Variants in CDH2 observed in about 807,000 individuals in gnomAD.
CDH2 encodes cadherin-2.
Under a neutral mutation model 92.0 loss-of-function variants are expected in CDH2, and 17 were observed. The ratio of observed to expected loss-of-function variants is 0.18; its 90% CI spans 0.13 to 0.28. CDH2 has a LOEUF of 0.28. CDH2 is among the 10% of genes least tolerant of loss of function. CDH2 has a pLI of 1.00. For synonymous variants in CDH2, 419 were observed against 415.9 expected, an observed-to-expected ratio of 1.01 and a Z score of -0.09; for missense variants, 862 against 1,133.1, an observed-to-expected ratio of 0.76 and a Z score of 3.44.
intron 2 of CDH2, among the ~76,000 whole-genome samples, chr18:28,114,236 G>A (rs746063877): frequency 2.6e-5 from 4 of 152,104 alleles, no homozygotes; most frequent in Admixed American, 1.3e-4. Flanking sequence ...ATGTTTGTGC[G>A]TGCTAATGAA....
At chr18:27,956,636 T>C (rs2011252167) in intron 15 of CDH2, among the ~76,000 whole-genome samples, 1 of 152,040 alleles carries the variant, frequency 6.6e-6, no homozygotes, top group Non-Finnish European at 1.5e-5. Context: ...CCAGCTTCTT[T>C]CCTACAAACT....
intron 14 of CDH2, among the ~76,000 whole-genome samples, chr18:27,965,180 T>C (rs1045977083): frequency 6.6e-6 from 1 of 152,232 alleles, no homozygotes; most frequent in Admixed American, 6.5e-5. Context: ...CATGAGTGTC[T>C]GACTTCATAG....
At chr18:28,175,125 G>A (rs1381179145) in intron 1 of CDH2, among the ~76,000 whole-genome samples, 1 of 152,116 alleles carries the variant, frequency 6.6e-6, no homozygotes, top group Non-Finnish European at 1.5e-5. Context: ...GTGACAGGAG[G>A]TCAAAGAATG....
At chr18:28,103,357 T>G (rs2015263642) in intron 2 of CDH2, among the ~76,000 whole-genome samples, 1 of 145,690 alleles carries the variant, frequency 6.9e-6, no homozygotes, top group Non-Finnish European at 1.5e-5. Flanking sequence ...AGTATATATA[T>G]AAAATACATA....
chr18:28,063,594 G>A (rs2014446956), intron 2 of CDH2, among the ~76,000 whole-genome samples: 2 of 152,098 alleles, frequency 1.3e-5, no homozygotes, highest in African/African-American at 4.8e-5. Context: ...TTTTCACAGG[G>A]GCTCCCTTTC....
chr18:28,149,025 C>A (rs2016080960), intron 1 of CDH2, among the ~76,000 whole-genome samples: 1 of 152,070 alleles, frequency 6.6e-6, no homozygotes, highest in Non-Finnish European at 1.5e-5. Context: ...AATGAGTAAG[C>A]AGTTTTAAGT....
rs1451234106 is a variant in CDH2 at position 27,951,012 on chromosome 18, GT to G, written c.*1140del. On this transcript the variant is annotated 3_prime_UTR_variant, in exon 16 of 16. Transcript: ENST00000269141. ...TATTCAGAACGCTGGGGTCAGAGGT[GT>G]ATCATTTATATTCTGGTACACAATA... 1 of 152,138 alleles carries G rather than the reference GT, an allele frequency of 6.6e-6. No individual in the cohort carries two copies. The highest frequency in any genetic ancestry group is 1.5e-5 in the Non-Finnish European group (1 of 67,948). 9.4% of individuals were successfully genotyped at this position (152,138 alleles called of 1,614,324 possible). A position where few individuals can be genotyped will look rare whatever the true frequency, so the allele number is the denominator to read the frequency against.
In CDH2 at chr18:28,095,816, A is replaced by AAAAAAAAG. The variant is rs1410705074; in HGVS notation, c.172+51856_172+51857insCTTTTTTT. ...TAGGATGCAACTCCATCAAAAAAAAAAAAAAAAAAGAAAGAAAAGAGAATT... is the reference window on the plus strand; with the variant it reads ...TAGGATGCAACTCCATCAAAAAAAAAAAAAAAAGAAAAAAAAAGAAAGAAAAGAGAATT... On this transcript the variant is annotated intron_variant, in intron 2 of 15. Coordinates refer to ENST00000269141, the MANE Select transcript of CDH2 (RefSeq NM_001792.5). 7.3e-4 allele frequency among the ~76,000 whole-genome samples: 111 copies of AAAAAAAAG among 151,554 alleles called. 1 individual carries two copies. The highest frequency in any genetic ancestry group is 1.4e-3 in the Non-Finnish European group (95 of 67,822).
At chr18:28,145,402 A>G (rs1245234591) in intron 2 of CDH2, among the ~76,000 whole-genome samples, 6 of 152,118 alleles carry the variant, frequency 3.9e-5, no homozygotes, top group Admixed American at 2.6e-4. Flanking sequence ...TCATAGCAAA[A>G]GTCATCACTC....
chr18:28,132,755 T>C (rs2015793575), intron 2 of CDH2, among the ~76,000 whole-genome samples: 1 of 152,140 alleles, frequency 6.6e-6, no homozygotes, highest in Non-Finnish European at 1.5e-5. Flanking sequence ...TGCAACTGAT[T>C]TCACACAAAA....
intron 2 of CDH2, among the ~76,000 whole-genome samples, chr18:28,098,203 C>A (rs1162901522): frequency 2.6e-5 from 4 of 151,822 alleles, no homozygotes; most frequent in Non-Finnish European, 4.4e-5. Flanking sequence ...ACAGATATGA[C>A]AATTACATTG....
Position 27,992,641 on chromosome 18 carries a change from C to CG in CDH2, c.1344+13dup. Reference sequence around the variant, plus strand: ...GCAGCTGTTGGAGAGATCAGTGGCCCGAGGAACACTTACTTTGACCACGGT... The same window carrying CG: ...GCAGCTGTTGGAGAGATCAGTGGCCCGGAGGAACACTTACTTTGACCACGGT... On this transcript the variant is annotated intron_variant, in intron 9 of 15. Transcript: ENST00000269141. 6.2e-7 allele frequency: 1 copy of CG among 1,601,544 alleles called. No individual in the cohort carries two copies. The highest frequency in any genetic ancestry group is 8.5e-7 in the Non-Finnish European group (1 of 1,172,922).
At chr18:27,966,707 T>C (rs1311644334) in intron 14 of CDH2, among the ~76,000 whole-genome samples, 1 of 152,216 alleles carries the variant, frequency 6.6e-6, no homozygotes, top group Non-Finnish European at 1.5e-5. Flanking sequence ...CATAGATGAA[T>C]GTGTATATAA....
At chr18:27,977,919 G>T (rs982196965) in intron 14 of CDH2, among the ~76,000 whole-genome samples, 1 of 152,138 alleles carries the variant, frequency 6.6e-6, no homozygotes, top group Non-Finnish European at 1.5e-5. Flanking sequence ...CCAGAACACA[G>T]CATGGCACCA....
At chr18:28,173,599 G>A (rs1050212879) in intron 1 of CDH2, among the ~76,000 whole-genome samples, 3 of 151,990 alleles carry the variant, frequency 2.0e-5, no homozygotes, top group African/African-American at 4.8e-5. Flanking sequence ...TTTATCCATC[G>A]TTTTTCCAAG....
At chr18:27,946,328 A>C (rs1282709053), downstream of CDH2, among the ~76,000 whole-genome samples, 1 of 152,072 alleles carries the variant, frequency 6.6e-6, no homozygotes, top group Non-Finnish European at 1.5e-5. Flanking sequence ...ACCCTGATGA[A>C]GAAAAAAGTA....
downstream of CDH2, among the ~76,000 whole-genome samples, chr18:27,950,189 C>T (rs747002391): frequency 3.2e-4 from 49 of 152,014 alleles, no homozygotes; most frequent in Non-Finnish European, 6.3e-4. Flanking sequence ...GTAAATTTCA[C>T]GGTCTAATAT....
intron 2 of CDH2, among the ~76,000 whole-genome samples, chr18:28,041,598 C>T (rs1424591034): frequency 1.3e-5 from 2 of 152,160 alleles, no homozygotes; most frequent in African/African-American, 4.8e-5. Flanking sequence ...TGTTAGCAGA[C>T]TCAAAGAGAT....
chr18:28,132,173 C>T (rs1307906561), intron 2 of CDH2, among the ~76,000 whole-genome samples: 1 of 152,190 alleles, frequency 6.6e-6, no homozygotes, highest in Non-Finnish European at 1.5e-5. Flanking sequence ...ATGCAGTCTG[C>T]GCTCACATCC....
Sources: gnomAD v4.1 joint callset for allele counts (sites outside exome capture counted in the v4.1 genomes callset) on GRCh38, gnomAD v4.1.1 for gene constraint, MANE v1.5 for transcripts, NCBI Gene and HGNC (gene_info 2026-07-23, HGNC 2026-07-21) for gene names.